Variants in GFRAL observed in about 807,000 individuals in gnomAD.
GFRAL encodes GDNF family receptor alpha-like.
A neutral mutation model predicts 45.4 loss-of-function variants in GFRAL; 36 were observed. That is an observed-to-expected ratio of 0.79 (90% CI 0.61 to 1.05). The LOEUF (loss-of-function observed/expected upper bound fraction) is 1.05. Ranked by LOEUF, GFRAL falls within the 50% of genes least tolerant of loss-of-function variation. The probability of loss-of-function intolerance (pLI) is 0.00; values close to 1 mark genes in which losing one functional copy is unlikely to be tolerated. For missense variants in GFRAL, 507 were observed against 467.5 expected (o/e 1.08, Z -0.78); for synonymous variants, 166 against 154.1 (o/e 1.08, Z -0.57).
intron 3 of GFRAL, among the ~76,000 whole-genome samples, chr6:55,348,878 A>T (rs1197417154): frequency 3.9e-5 from 6 of 152,152 alleles, no homozygotes; most frequent in Non-Finnish European, 7.4e-5. Flanking sequence ...TATTTTAGTC[A>T]GTGGCACAGC....
At chr6:55,373,220 T>A (rs1194478269) in intron 6 of GFRAL, among the ~76,000 whole-genome samples, 1 of 152,090 alleles carries the variant, frequency 6.6e-6, no homozygotes, top group Non-Finnish European at 1.5e-5. Flanking sequence ...CTGAATCAGA[T>A]ATCTGTGAAG....
At chr6:55,370,108 G>A (rs1025894068) in intron 6 of GFRAL, among the ~76,000 whole-genome samples, 1 of 151,442 alleles carries the variant, frequency 6.6e-6, no homozygotes, top group Admixed American at 6.6e-5. Context: ...CTTTTTGAAA[G>A]GATAATTTTC....
intron 5 of GFRAL, among the ~76,000 whole-genome samples, chr6:55,352,597 C>T (rs917870931): frequency 2.6e-5 from 4 of 151,940 alleles, no homozygotes; most frequent in Non-Finnish European, 5.9e-5. Flanking sequence ...TTGTTTATGT[C>T]CTTATTTGGT....
At position 55,399,241 on chromosome 6, in the gene GFRAL, A is replaced by C. The variant is rs767045551; in HGVS notation, c.1014A>C (p.Lys338Asn). 1.2e-6 allele frequency: 2 copies of C among 1,607,002 alleles called. No individual in the cohort carries two copies. Among genetic ancestry groups the C allele is most frequent in the East Asian group, 2.2e-5 (1 of 44,638 alleles). Residue 338 changes from lysine (K) to asparagine (N), a missense_variant, in exon 7 of 9, where the codon AAA becomes AAC. Physicochemically the swap from Lys to Asn is moderately conservative, Grantham distance 94. Transcript: ENST00000340465. ...TGTATACAAGAAAACATGCAAACAA[A>C]ATCACTTTAACTGGATTTCATTCCC... ...MALYTRKHAN[K>N]ITLTGFHSPF...
intron 8 of GFRAL, among the ~76,000 whole-genome samples, chr6:55,401,344 G>A (rs10948912): frequency 0.26 from 40,047 of 152,064 alleles, 6,604 homozygotes; most frequent in Admixed American, 0.42. Context: ...CAAAACCTGT[G>A]TTGCCCCACA....
At chr6:55,365,317 T>A (rs1247825553) in intron 6 of GFRAL, among the ~76,000 whole-genome samples, 4 of 141,568 alleles carry the variant, frequency 2.8e-5, no homozygotes, top group Non-Finnish European at 4.6e-5. Context: ...TGAAGTTGCT[T>A]ATCAGCTTAA....
chr6:55,327,540 C>T lies in GFRAL; in HGVS notation c.-15C>T, dbSNP rs373472577. On this transcript the variant is annotated 5_prime_UTR_variant, in exon 1 of 9. Transcript: ENST00000340465. ...CTGCCTTTTTTTCCAGGTGAACTGC[C>T]GTGAGTTGTCCAGCATGATAGTGTT... The T allele has an allele frequency of 2.7e-5, 43 of 1,612,354 alleles. No individual in the cohort carries two copies. Among genetic ancestry groups the T allele is most frequent in the Admixed American group, 1.3e-4 (8 of 59,852 alleles).
intron 3 of GFRAL, among the ~76,000 whole-genome samples, chr6:55,345,577 C>A (rs558631940): frequency 0.013 from 1,951 of 152,064 alleles, 22 homozygotes; most frequent in Non-Finnish European, 0.022. Flanking sequence ...GTTAGACCTA[C>A]AACCATAAAA....
intron 3 of GFRAL, among the ~76,000 whole-genome samples, chr6:55,338,942 AG>A (rs1767925219): frequency 6.6e-6 from 1 of 152,158 alleles, no homozygotes; most frequent in Non-Finnish European, 1.5e-5. Context: ...GTTTCTCAAA[AG>A]TTATCACAGG....
chr6:55,374,019 G>A (rs1054341555), intron 6 of GFRAL, among the ~76,000 whole-genome samples: 13 of 152,238 alleles, frequency 8.5e-5, no homozygotes, highest in Admixed American at 5.9e-4. Flanking sequence ...CTGCTCCTGT[G>A]TTAGTTTGCT....
At chr6:55,369,419 CGGAGCT>C (rs1311857385) in intron 6 of GFRAL, among the ~76,000 whole-genome samples, 1 of 152,160 alleles carries the variant, frequency 6.6e-6, no homozygotes, top group Non-Finnish European at 1.5e-5. Context: ...CGCTCAGGCT[CGGAGCT>C]GTAGACCGGA....
chr6:55,376,830 T>A (rs1488774652), intron 6 of GFRAL, among the ~76,000 whole-genome samples: 1 of 151,994 alleles, frequency 6.6e-6, no homozygotes, highest in African/African-American at 2.4e-5. Context: ...GTCTCTATCT[T>A]CTTCAATTTA....
At position 55,334,045 on chromosome 6, in the gene GFRAL, T is replaced by C. The variant is rs1026832987; in HGVS notation, c.316+101T>C. 3 of 771,510 alleles carry C rather than the reference T, an allele frequency of 3.9e-6. No individual in the cohort carries two copies. In the African/African-American group the frequency reaches 5.4e-5, roughly 14 times the overall value. 47.8% of individuals were successfully genotyped at this position (771,510 alleles called of 1,614,324 possible). A position where few individuals can be genotyped will look rare whatever the true frequency, so the allele number is the denominator to read the frequency against. ...AATGTGATTAATGTTTTTTGTAATT[T>C]GATTAATTCTTTTCAAAGCTTTATT... On this transcript the variant is annotated intron_variant, in intron 3 of 8. Coordinates refer to ENST00000340465, the MANE Select transcript of GFRAL (RefSeq NM_207410.2).
chr6:55,390,070 T>C (rs796740694), intron 6 of GFRAL, among the ~76,000 whole-genome samples: 10 of 152,356 alleles, frequency 6.6e-5, no homozygotes, highest in African/African-American at 2.4e-4. Flanking sequence ...AGCCTTCCTA[T>C]TTCCAAGGTG....
intron 6 of GFRAL, among the ~76,000 whole-genome samples, chr6:55,361,948 T>C (rs1768282020): frequency 6.6e-6 from 1 of 152,038 alleles, no homozygotes; most frequent in Admixed American, 6.6e-5. Context: ...CTCAAACTCA[T>C]TTGAGCTTAG....
chr6:55,348,913 G>C lies in GFRAL; in HGVS notation c.317-1179G>C, dbSNP rs117203084. 7.4e-4 allele frequency among the ~76,000 whole-genome samples: 112 copies of C among 152,014 alleles called. 1 individual carries two copies. The East Asian group carries it at 0.021, about 29-fold the overall frequency. On this transcript the variant is annotated intron_variant, in intron 3 of 8. Coordinates refer to ENST00000340465, the MANE Select transcript of GFRAL (RefSeq NM_207410.2). ...CCTTACCAATCATTCCCAATGCAGG[G>C]GTACTAATCCATAAAAGAATGTCCA...
intron 8 of GFRAL, among the ~76,000 whole-genome samples, chr6:55,401,321 G>A (rs1243815421): frequency 6.6e-6 from 1 of 152,032 alleles, no homozygotes; most frequent in Non-Finnish European, 1.5e-5. Context: ...TGAAACAAAA[G>A]CATCATTGGC....
chr6:55,395,295 T>C (rs1472293050), intron 6 of GFRAL, among the ~76,000 whole-genome samples: 1 of 151,484 alleles, frequency 6.6e-6, no homozygotes, highest in Non-Finnish European at 1.5e-5. Context: ...CAATCAGTGG[T>C]AATGTCATTT....
intron 6 of GFRAL, among the ~76,000 whole-genome samples, chr6:55,394,178 A>G (rs1282440932): frequency 1.3e-5 from 2 of 152,210 alleles, no homozygotes; most frequent in East Asian, 1.9e-4. Flanking sequence ...TAAGTATAGT[A>G]AGAGGAAACC....
Sources: allele counts gnomAD v4.1 joint callset (sites outside exome capture counted in the v4.1 genomes callset), GRCh38; gene constraint gnomAD v4.1.1; transcripts MANE v1.5; gene names NCBI Gene and HGNC (gene_info 2026-07-23, HGNC 2026-07-21).